The following ZMIZ1 variants were observed in gnomAD, a reference collection of about 807,000 sequenced individuals.
The protein encoded by ZMIZ1 is zinc finger MIZ domain-containing protein 1.
A neutral mutation model predicts 113.9 loss-of-function variants in ZMIZ1; 17 were observed. The ratio of observed to expected loss-of-function variants is 0.15; its 90% confidence interval spans 0.10 to 0.22. The LOEUF is 0.22. ZMIZ1 is among the 10% of genes least tolerant of loss of function. The pLI is 1.00. For missense variants in ZMIZ1, 1,059 were observed against 1,477.8 expected, an observed-to-expected ratio of 0.72 and a Z score of 4.65; for synonymous variants, 607 against 603.1, an observed-to-expected ratio of 1.01 and a Z score of -0.09.
At chr10:79,119,174 C>G (rs924957039) in intron 2 of ZMIZ1, 150 bp downstream of exon 2, 3 of 152,264 alleles carry the variant, frequency 2.0e-5, no homozygotes, top group African/African-American at 7.2e-5. Flanking sequence ...TTATTTGTTC[C>G]TTGGCCTTTT....
chr10:79,129,881 G>A (rs1233981043), intron 2 of ZMIZ1, among the ~76,000 whole-genome samples: 2 of 152,238 alleles, frequency 1.3e-5, no homozygotes, highest in South Asian at 2.1e-4. Context: ...GGGACAGAGC[G>A]GAGTTGGTGG....
chr10:79,300,251 A>G (rs1269914312), intron 16 of ZMIZ1, among the ~76,000 whole-genome samples: 1 of 152,100 alleles, frequency 6.6e-6, no homozygotes, highest in Non-Finnish European at 1.5e-5. Flanking sequence ...ATATATGGTC[A>G]CTGCTGGTTC....
At chr10:79,292,922 C>T in intron 11 of ZMIZ1, 1 of 462,838 alleles carries the variant, frequency 2.2e-6, no homozygotes, top group Non-Finnish European at 4.3e-6. Flanking sequence ...CTGAGGCCAA[C>T]TTTGGGGATG....
intron 1 of ZMIZ1, among the ~76,000 whole-genome samples, chr10:79,074,415 A>T (rs1406378479): frequency 6.6e-6 from 1 of 152,218 alleles, no homozygotes; most frequent in Non-Finnish European, 1.5e-5. Flanking sequence ...ATATGGCAGC[A>T]CATGGTCCAT....
At chr10:79,082,222 G>A (rs970060520) in intron 1 of ZMIZ1, among the ~76,000 whole-genome samples, 9 of 152,250 alleles carry the variant, frequency 5.9e-5, no homozygotes, top group African/African-American at 9.6e-5. Context: ...GCAGGCACTC[G>A]GTGCCTATGG....
At chr10:79,153,596 C>T (rs1312548755) in intron 3 of ZMIZ1, among the ~76,000 whole-genome samples, 1 of 152,250 alleles carries the variant, frequency 6.6e-6, no homozygotes, top group African/African-American at 2.4e-5. Context: ...CCTGATGTTC[C>T]TGTAAATAGC....
intron 4 of ZMIZ1, among the ~76,000 whole-genome samples, chr10:79,199,032 C>A (rs1328174686): frequency 6.9e-5 from 10 of 144,728 alleles, no homozygotes; most frequent in Non-Finnish European, 3.0e-5. Context: ...GACTCAGTCT[C>A]AAAAAAAAAA....
At chr10:79,183,144 G>T (rs72816286) in intron 4 of ZMIZ1, among the ~76,000 whole-genome samples, 2,292 of 152,374 alleles carry the variant, frequency 0.015, 16 homozygotes, top group Non-Finnish European at 0.023. Flanking sequence ...CTAACCCTTG[G>T]CCCCTTTCAG....
chr10:79,089,727 C>T (rs1161691604), intron 1 of ZMIZ1, among the ~76,000 whole-genome samples: 1 of 152,142 alleles, frequency 6.6e-6, no homozygotes, highest in African/African-American at 2.4e-5. Flanking sequence ...CCTGGGACAG[C>T]CTTCCTGGGC....
At chr10:79,178,737 C>T (rs982779210) in intron 4 of ZMIZ1, among the ~76,000 whole-genome samples, 1 of 152,208 alleles carries the variant, frequency 6.6e-6, no homozygotes, top group African/African-American at 2.4e-5. Context: ...TCTGTCAGCC[C>T]AGCCGGAGAG....
Position 79,069,401 on chromosome 10 carries a change from G to C in ZMIZ1, c.-337+131G>C, listed in dbSNP as rs2132135361. 6.6e-6 allele frequency: 1 copy of C among 150,730 alleles called. No individual in the cohort carries two copies. Among genetic ancestry groups the C allele is most frequent in the South Asian group, 2.1e-4 (1 of 4,800 alleles). The allele number at this position is 150,730 out of a possible 1,614,324, so 9.3% of individuals were successfully genotyped here. ...CTTAAAGTGTCCCCCGGAGCGGGGCGACCGGCCGGCGGCGCGGGCTCCGCT... is the reference window on the plus strand; with the variant it reads ...CTTAAAGTGTCCCCCGGAGCGGGGCCACCGGCCGGCGGCGCGGGCTCCGCT... On this transcript the variant is annotated intron_variant, in intron 1 of 24. Transcript: ENST00000334512. This position sits in a 1 kb window ranked among gnomAD's most constrained non-coding sequence, Gnocchi z 4.6.
intron 3 of ZMIZ1, among the ~76,000 whole-genome samples, chr10:79,142,742 G>A (rs113627472): frequency 0.014 from 2,079 of 152,318 alleles, 42 homozygotes; most frequent in South Asian, 0.051. Context: ...CAAGCATCTT[G>A]CCCTGATGTC....
intron 1 of ZMIZ1, among the ~76,000 whole-genome samples, chr10:79,074,511 C>A (rs116226290): frequency 2.6e-5 from 4 of 152,246 alleles, no homozygotes; most frequent in African/African-American, 9.6e-5. Flanking sequence ...CTTGACTGCC[C>A]AGGGCACACA....
chr10:79,190,046 C>T (rs965678525), intron 4 of ZMIZ1, among the ~76,000 whole-genome samples: 5 of 152,216 alleles, frequency 3.3e-5, no homozygotes, highest in African/African-American at 1.2e-4. Flanking sequence ...CAGCTCCCAC[C>T]CCCGGATCTA....
chr10:79,271,283 A>G (rs1851936719), intron 7 of ZMIZ1, among the ~76,000 whole-genome samples: 3 of 152,226 alleles, frequency 2.0e-5, no homozygotes, highest in Admixed American at 1.3e-4. Flanking sequence ...TCTCTTCTCT[A>G]CTGAGCGAGG....
At chr10:79,243,885 A>C (rs1239974048) in intron 7 of ZMIZ1, 1 of 155,540 alleles carries the variant, frequency 6.4e-6, no homozygotes, top group African/African-American at 2.4e-5. Flanking sequence ...GCATGGTGTC[A>C]GCCCCAGGCT....
At chr10:79,264,125 C>T (rs1851438166) in intron 7 of ZMIZ1, among the ~76,000 whole-genome samples, 2 of 152,188 alleles carry the variant, frequency 1.3e-5, no homozygotes, top group African/African-American at 4.8e-5. Context: ...AGTGCAGGCT[C>T]CGTGGTTCCT....
Position 79,315,017 on chromosome 10 carries a change from G to A in ZMIZ1, c.*2268G>A, listed in dbSNP as rs1259982885. On this transcript the variant is annotated 3_prime_UTR_variant, in exon 25 of 25. Transcript: ENST00000334512. The stretch of plus-strand genomic sequence containing the variant: ...TTCATTCTGGTTCTTATCAGGGTGT[G>A]TCCACACTCTGCTCACAGGTGGATC... 3 of 152,768 alleles carry A rather than the reference G, an allele frequency of 2.0e-5. No homozygotes were observed. The highest frequency in any genetic ancestry group is 7.2e-5 in the African/African-American group (3 of 41,428). 9.5% of individuals were successfully genotyped at this position (152,768 alleles called of 1,614,324 possible). A position where few individuals can be genotyped will look rare whatever the true frequency, so the allele number is the denominator to read the frequency against.
chr10:79,116,638 A>C (rs958173022), intron 1 of ZMIZ1, among the ~76,000 whole-genome samples: 3 of 152,152 alleles, frequency 2.0e-5, no homozygotes, highest in Admixed American at 2.0e-4. Flanking sequence ...GACCTGATTC[A>C]GTTGGGTGGA....
Sources: gnomAD v4.1 joint callset for allele counts (sites outside exome capture counted in the v4.1 genomes callset) on GRCh38, gnomAD v4.1.1 for gene constraint, Gnocchi (gnomAD v3.1) non-coding constraint, MANE v1.5 for transcripts, NCBI Gene and HGNC (gene_info 2026-07-23, HGNC 2026-07-21) for gene names.